The following KCNC4 variants were observed in gnomAD, a reference collection of about 807,000 sequenced individuals.
KCNC4 encodes the protein potassium voltage-gated channel subfamily C member 4.
A neutral mutation model predicts 42.8 loss-of-function variants in KCNC4; 23 were observed. That is an observed-to-expected ratio of 0.54 (90% CI 0.39 to 0.76). The LOEUF (loss-of-function observed/expected upper bound fraction) is 0.76, where lower values mean the gene tolerates loss of function less well. Ranked by LOEUF, KCNC4 falls within the 30% of genes least tolerant of loss-of-function variation. The probability of loss-of-function intolerance (pLI) is 0.00; values close to 1 mark genes in which losing one functional copy is unlikely to be tolerated. For synonymous variants in KCNC4, 422 were observed against 393.5 expected (o/e 1.07, Z -0.86); for missense variants, 751 against 898.2 (o/e 0.84, Z 2.10).
At chr1:110,226,330 G>A (rs1362913678) in intron 3 of KCNC4, 152 bp downstream of exon 3, 1 of 675,454 alleles carries the variant, frequency 1.5e-6, no homozygotes, top group South Asian at 1.6e-5. Context: ...ATGGGTACCT[G>A]ATCTCCCAGT....
chr1:110,271,422 G>T (rs1469793889), intron 1 of KCNC4, among the ~76,000 whole-genome samples: 1 of 152,120 alleles, frequency 6.6e-6, no homozygotes, highest in Non-Finnish European at 1.5e-5. Flanking sequence ...CCAAGTCTCT[G>T]GACTCTTGAG....
At chr1:110,278,141 T>A (rs1659755378) in intron 1 of KCNC4, among the ~76,000 whole-genome samples, 1 of 126,884 alleles carries the variant, frequency 7.9e-6, no homozygotes, top group African/African-American at 3.0e-5. Flanking sequence ...AATGAGATCC[T>A]GTTTCAAGAA....
At chr1:110,232,306 T>C in intron 3 of KCNC4, 5 of 1,613,130 alleles carry the variant, frequency 3.1e-6, no homozygotes, top group East Asian at 2.2e-5. Flanking sequence ...TCCTGCCACA[T>C]TGAGGAAGGG....
intron 1 of KCNC4, among the ~76,000 whole-genome samples, chr1:110,212,693 A>C (rs1233600132): frequency 6.6e-6 from 1 of 152,180 alleles, no homozygotes; most frequent in Non-Finnish European, 1.5e-5. Flanking sequence ...CACTTCAGAG[A>C]GGAGGATATA....
intron 1 of KCNC4, among the ~76,000 whole-genome samples, chr1:110,270,963 T>A (rs1659624406): frequency 6.6e-6 from 1 of 152,178 alleles, no homozygotes; most frequent in Admixed American, 6.5e-5. Flanking sequence ...GGGGGCTGAA[T>A]GGAACCCTCT....
intron 1 of KCNC4, among the ~76,000 whole-genome samples, chr1:110,214,292 G>C (rs1657662900): frequency 1.3e-5 from 2 of 152,146 alleles, no homozygotes; most frequent in Non-Finnish European, 2.9e-5. Flanking sequence ...TTAACTAATA[G>C]CAGAGGCAGG....
rs989784731 is a variant in KCNC4 at position 110,226,006 on chromosome 1, G to C, written c.1647G>C (p.Val549=). The C allele has an allele frequency of 6.8e-6, 11 of 1,610,216 alleles. No homozygotes were observed. The highest frequency in any genetic ancestry group is 9.3e-6 in the Non-Finnish European group (11 of 1,177,368). ...DSKQNGDANA[V]LSDEEGAGLT... is the part of the protein sequence containing the mutation. ...AGCAGAATGGCGATGCCAACGCAGTGCTGTCTGATGAGGAGGGAGCTGGCC... is the reference window on the plus strand; with the variant it reads ...AGCAGAATGGCGATGCCAACGCAGTCCTGTCTGATGAGGAGGGAGCTGGCC... The change falls in exon 3 of 4, where the codon GTG becomes GTC. Residue 549 remains valine, a synonymous_variant. Transcript: ENST00000438661.
intron 1 of KCNC4, among the ~76,000 whole-genome samples, chr1:110,264,510 C>T (rs962055629): frequency 6.6e-6 from 1 of 152,130 alleles, no homozygotes; most frequent in Non-Finnish European, 1.5e-5. Flanking sequence ...GGTCGATATG[C>T]CAGCAGATCC....
At chr1:110,279,132 A>C (rs1449933549) in intron 1 of KCNC4, among the ~76,000 whole-genome samples, 1 of 152,178 alleles carries the variant, frequency 6.6e-6, no homozygotes, top group East Asian at 1.9e-4. Context: ...TGTGCATATC[A>C]GTGGAACATC....
chr1:110,258,081 T>C (rs1438032480), intron 1 of KCNC4, among the ~76,000 whole-genome samples: 3 of 152,188 alleles, frequency 2.0e-5, no homozygotes, highest in Non-Finnish European at 4.4e-5. Flanking sequence ...CTATGCTAAA[T>C]GGATTTGAGC....
At chr1:110,225,864 C>T in intron 2 of KCNC4, 111 bp from the exon 3 acceptor site, 1 of 1,025,866 alleles carries the variant, frequency 9.7e-7, no homozygotes, top group Non-Finnish European at 1.4e-6. Flanking sequence ...AGATGCTAGG[C>T]CCCTCCCAAG....
intron 1 of KCNC4, among the ~76,000 whole-genome samples, chr1:110,215,179 A>T (rs919053136): frequency 2.0e-5 from 3 of 152,240 alleles, no homozygotes; most frequent in African/African-American, 7.2e-5. Context: ...TGAGCTGATT[A>T]TGAGAGCCTG....
intron 1 of KCNC4, chr1:110,222,189 C>G (rs1277385482): frequency 6.6e-6 from 1 of 152,220 alleles, no homozygotes; most frequent in Non-Finnish European, 1.5e-5. Flanking sequence ...TTAGGGGCTT[C>G]CTCACCATCT....
At chr1:110,271,521 C>A (rs1659634458) in intron 1 of KCNC4, among the ~76,000 whole-genome samples, 1 of 152,166 alleles carries the variant, frequency 6.6e-6, no homozygotes, top group East Asian at 1.9e-4. Flanking sequence ...GGAAGCAAGA[C>A]TCATGTGAAC....
intron 1 of KCNC4, chr1:110,220,967 T>G (rs1658063755): frequency 6.6e-6 from 1 of 152,194 alleles, no homozygotes; most frequent in African/African-American, 2.4e-5. Context: ...ACACATGCAT[T>G]TCATCTCCAT....
chr1:110,225,247 G>T (rs1175619349), intron 2 of KCNC4: 1 of 152,278 alleles, frequency 6.6e-6, no homozygotes, highest in African/African-American at 2.4e-5. Context: ...CACAGTAAGG[G>T]CATGCCTGGC....
Position 110,243,676 on chromosome 1 carries a change from A to AGCAG in KCNC4, c.*11369_*11372dup, listed in dbSNP as rs1297782209. On this transcript the variant is annotated 3_prime_UTR_variant, in exon 4 of 4. Transcript: ENST00000369787. ...CAGAGAGAGGAGCAGTAGCCCGCGG[A>AGCAG]GCAGGGAGAGAAAAAGCAGGTAGGG... 2.0e-5 allele frequency: 3 copies of AGCAG among 152,740 alleles called. No individual in the cohort carries two copies. The East Asian group carries it at 5.8e-4, about 29-fold the overall frequency. The allele number at this position is 152,740 out of a possible 1,614,324, so 9.5% of individuals were successfully genotyped here.
rs35167146 is a variant in KCNC4, at chr1:110,223,237, G to T, written c.952G>T (p.Asp318Tyr). ...CGTCAAGAACCTGCTCAACATCATC[G>T]ACTTTGTGGCCATCCTGCCCTTCTA... ...DFVKNLLNII[D>Y]FVAILPFYLE... The change falls in exon 2 of 4, where the codon GAC (aspartate) becomes TAC (tyrosine). Residue 318 changes from aspartate to tyrosine, a missense_variant. This residue lies in a region of KCNC4 where 185 missense variants were observed against 293.7 expected (regional missense o/e 0.63). Transcript: ENST00000438661. This position sits in a 1 kb window ranked among gnomAD's most constrained non-coding sequence, Gnocchi z 7.5. 1 of 1,614,206 alleles carries T rather than the reference G, an allele frequency of 6.2e-7. No homozygotes were observed. Among genetic ancestry groups the T allele is most frequent in the Non-Finnish European group, 8.5e-7 (1 of 1,180,046 alleles).
In KCNC4 at chr1:110,211,891, C is replaced by T. The variant is rs1657481971; in HGVS notation, c.392C>T (p.Thr131Ile). The T allele has an allele frequency of 6.2e-7, 1 of 1,611,690 alleles. No homozygotes were observed. Among genetic ancestry groups the T allele is most frequent in the East Asian group, 2.2e-5 (1 of 44,844 alleles). Residue 131 changes from threonine (T) to isoleucine (I), a missense_variant, in exon 1 of 4, where the codon ACC becomes ATC. Around this residue, in one of 4 missense-constraint regions of KCNC4, gnomAD observed 183 missense variants for 255.8 expected, o/e 0.72. Coordinates refer to ENST00000438661, the MANE Select transcript of KCNC4 (RefSeq NM_001039574.3). The surrounding 1 kb of genome is among the most constrained non-coding windows in gnomAD (Gnocchi z 6.5). Reference sequence around the variant, plus strand: ...GGGCCGCTCTTCGAAGAGGAGCTCACCTTCTGGGGCATCGACGAGACCGAC... The same window carrying T: ...GGGCCGCTCTTCGAAGAGGAGCTCATCTTCTGGGGCATCGACGAGACCGAC... ...VCGPLFEEEL[T>I]FWGIDETDVE...
Sources: allele counts gnomAD v4.1 joint callset (sites outside exome capture counted in the v4.1 genomes callset), GRCh38; gene constraint gnomAD v4.1.1; regional missense constraint gnomAD v4.1.1; non-coding constraint Gnocchi (gnomAD v3.1); transcripts MANE v1.5; gene names NCBI Gene and HGNC (gene_info 2026-07-23, HGNC 2026-07-21).